The following RIMS1 variants were observed in gnomAD, a reference collection of about 807,000 sequenced individuals.
RIMS1 encodes the protein regulating synaptic membrane exocytosis 1.
In RIMS1, 83 loss-of-function variants were observed where a neutral mutation model predicts 214.1. That is an observed-to-expected ratio of 0.39 (90% CI 0.32 to 0.47). The LOEUF (loss-of-function observed/expected upper bound fraction) is 0.47. Among genes scored for constraint, RIMS1 ranks in the 20% least tolerant of loss-of-function variants. The pLI, the probability that RIMS1 is intolerant of heterozygous loss-of-function variation, is 0.99. For missense variants in RIMS1, 2,050 were observed against 2,161.8 expected (o/e 0.95, Z 1.03); for synonymous variants, 793 against 786.8 (o/e 1.01, Z -0.13).
At chr6:72,114,237 T>C (rs2036639665) in intron 4 of RIMS1, among the ~76,000 whole-genome samples, 1 of 152,032 alleles carries the variant, frequency 6.6e-6, no homozygotes, top group African/African-American at 2.4e-5. Context: ...TAAATTTGTG[T>C]ATTATTTTAA....
intron 2 of RIMS1, among the ~76,000 whole-genome samples, chr6:72,082,094 C>T (rs532677036): frequency 2.0e-5 from 3 of 152,074 alleles, no homozygotes; most frequent in Non-Finnish European, 4.4e-5. Flanking sequence ...AAAGAGGAAG[C>T]CTTTTTGGAA....
chr6:72,380,061 G>A (rs2154417988), intron 29 of RIMS1, among the ~76,000 whole-genome samples: 1 of 152,278 alleles, frequency 6.6e-6, no homozygotes, highest in East Asian at 1.9e-4. Flanking sequence ...TGGAATACTT[G>A]CAGCCATATA....
intron 4 of RIMS1, among the ~76,000 whole-genome samples, chr6:72,144,999 C>G (rs1261649654): frequency 1.3e-5 from 2 of 151,930 alleles, no homozygotes; most frequent in Admixed American, 6.6e-5. Context: ...ATTCTCCTGC[C>G]TCAGCCTCCT....
intron 2 of RIMS1, among the ~76,000 whole-genome samples, chr6:72,068,925 T>C (rs867054186): frequency 6.7e-6 from 1 of 150,206 alleles, no homozygotes; most frequent in African/African-American, 2.5e-5. Flanking sequence ...AAAAAAAAAA[T>C]TTATGAGGTG....
chr6:72,224,882 G>A (rs951757250), intron 6 of RIMS1, among the ~76,000 whole-genome samples: 7 of 152,080 alleles, frequency 4.6e-5, no homozygotes, highest in Admixed American at 4.6e-4. Context: ...GCAATGTTTT[G>A]CAACCTGATT....
At chr6:72,153,836 A>G (rs1229684157) in intron 4 of RIMS1, among the ~76,000 whole-genome samples, 1 of 152,224 alleles carries the variant, frequency 6.6e-6, no homozygotes, top group African/African-American at 2.4e-5. Flanking sequence ...ATTTGTTTGT[A>G]CAGGTGGTTG....
intron 1 of RIMS1, among the ~76,000 whole-genome samples, chr6:71,888,706 C>G (rs1247589983): frequency 6.6e-6 from 1 of 152,210 alleles, no homozygotes; most frequent in African/African-American, 2.4e-5. Context: ...GAAATCCAGT[C>G]ATTCCTGTTC....
intron 29 of RIMS1, among the ~76,000 whole-genome samples, chr6:72,336,385 G>A (rs2096845054): frequency 6.6e-6 from 1 of 151,756 alleles, no homozygotes; most frequent in African/African-American, 2.4e-5. Flanking sequence ...TTTCATTTAT[G>A]TTTTATCTCA....
chr6:72,051,983 T>C (rs1306344902), intron 2 of RIMS1, among the ~76,000 whole-genome samples: 2 of 152,140 alleles, frequency 1.3e-5, no homozygotes, highest in Non-Finnish European at 2.9e-5. Flanking sequence ...TGGAAACAAA[T>C]GAATAATTTT....
At chr6:71,929,969 A>G (rs755368738) in intron 1 of RIMS1, among the ~76,000 whole-genome samples, 8 of 152,178 alleles carry the variant, frequency 5.3e-5, no homozygotes, top group Non-Finnish European at 1.0e-4. Context: ...TAATATTTTA[A>G]TGGTCAATGA....
intron 2 of RIMS1, among the ~76,000 whole-genome samples, chr6:72,015,846 A>C (rs1812563081): frequency 6.6e-6 from 1 of 152,148 alleles, no homozygotes; most frequent in South Asian, 2.1e-4. Context: ...GAATGGCATG[A>C]ACCCGGGAGG....
chr6:72,268,188 G>T (rs2081444716), intron 22 of RIMS1, among the ~76,000 whole-genome samples: 3 of 152,136 alleles, frequency 2.0e-5, no homozygotes. Flanking sequence ...AAGCAGCTTT[G>T]AAGCAGAAGA....
At chr6:71,946,382 T>C (rs1787816651) in intron 1 of RIMS1, among the ~76,000 whole-genome samples, 1 of 152,176 alleles carries the variant, frequency 6.6e-6, no homozygotes, top group African/African-American at 2.4e-5. Context: ...TTTGAAAATT[T>C]ACCACAAAAC....
chr6:72,211,719 G>T (rs1232896093), intron 6 of RIMS1, among the ~76,000 whole-genome samples: 3 of 151,902 alleles, frequency 2.0e-5, no homozygotes, highest in African/African-American at 2.4e-5. Flanking sequence ...GACTATGGAG[G>T]AATAAAAAGG....
At chr6:72,356,160 A>C (rs117183291) in intron 29 of RIMS1, among the ~76,000 whole-genome samples, 1 of 152,316 alleles carries the variant, frequency 6.6e-6, no homozygotes, top group Non-Finnish European at 1.5e-5. Flanking sequence ...ACTGACCTTA[A>C]CGGTATCTTT....
chr6:72,306,017 T>A (rs1055422265), intron 26 of RIMS1, among the ~76,000 whole-genome samples: 1 of 152,160 alleles, frequency 6.6e-6, no homozygotes, highest in African/African-American at 2.4e-5. Flanking sequence ...TTTCTTTTTT[T>A]AAAGTGTGTG....
intron 2 of RIMS1, among the ~76,000 whole-genome samples, chr6:72,057,759 G>T (rs528987721): frequency 6.6e-6 from 1 of 151,998 alleles, no homozygotes; most frequent in African/African-American, 2.4e-5. Context: ...TGCCCGTCTC[G>T]GCCTCCCAAA....
At chr6:72,053,168 C>T (rs1057281098) in intron 2 of RIMS1, among the ~76,000 whole-genome samples, 19 of 152,316 alleles carry the variant, frequency 1.2e-4, no homozygotes, top group Non-Finnish European at 2.5e-4. Context: ...AAAGTGTCCC[C>T]AGTCCCTATG....
chr6:72,090,880 C>T (rs773312977), intron 2 of RIMS1, among the ~76,000 whole-genome samples: 19 of 152,128 alleles, frequency 1.2e-4, no homozygotes, highest in Non-Finnish European at 2.9e-5. Flanking sequence ...CTTGGACAAC[C>T]CCCGTGTTTT....
Sources: allele counts gnomAD v4.1 joint callset (sites outside exome capture counted in the v4.1 genomes callset), GRCh38; gene constraint gnomAD v4.1.1; transcripts MANE v1.5; gene names NCBI Gene and HGNC (gene_info 2026-07-23, HGNC 2026-07-21).